Variants in SLC4A7 observed in about 807,000 individuals in gnomAD.
SLC4A7 encodes solute carrier family 4 member 7.
In SLC4A7, 51 loss-of-function variants were observed where a neutral mutation model predicts 137.6. The ratio of observed to expected loss-of-function variants is 0.37; its 90% CI spans 0.30 to 0.47. The LOEUF is 0.47. SLC4A7 is among the 20% of genes least tolerant of loss of function. The pLI is 1.00. For synonymous variants in SLC4A7, 542 were observed against 518.6 expected (o/e 1.05, Z -0.61); for missense variants, 1,247 against 1,525.4 (o/e 0.82, Z 3.04).
intron 1 of SLC4A7, among the ~76,000 whole-genome samples, chr3:27,464,347 A>G (rs1050341394): frequency 6.6e-6 from 1 of 152,238 alleles, no homozygotes; most frequent in Non-Finnish European, 1.5e-5. Context: ...TCAATATAAC[A>G]TTAAATATAA....
Position 27,391,814 on chromosome 3 carries a change from AAT to A in SLC4A7, c.3118-8_3118-7del. The A allele has an allele frequency of 6.4e-7, 1 of 1,551,284 alleles. No homozygotes were observed. The highest frequency in any genetic ancestry group is 8.8e-7 in the Non-Finnish European group (1 of 1,131,756). ...AGAACAGGCATTGGAATAAACTGTAAATAAAATGAACACAATTAGAACTCATG... is the reference window on the plus strand; with the variant it reads ...AGAACAGGCATTGGAATAAACTGTAAAAAATGAACACAATTAGAACTCATG... On this transcript the variant is annotated splice_region_variant and splice_polypyrimidine_tract_variant and intron_variant, in intron 20 of 25. Coordinates refer to ENST00000454389, the MANE Select transcript of SLC4A7 (RefSeq NM_001321103.2).
intron 3 of SLC4A7, among the ~76,000 whole-genome samples, chr3:27,442,813 C>T (rs1017773813): frequency 6.6e-6 from 1 of 152,026 alleles, no homozygotes; most frequent in African/African-American, 2.4e-5. Flanking sequence ...AGATGGAGTC[C>T]TGCTAACAGG....
intron 13 of SLC4A7, among the ~76,000 whole-genome samples, chr3:27,406,325 C>A (rs1275635480): frequency 1.3e-5 from 2 of 152,166 alleles, no homozygotes; most frequent in African/African-American, 2.4e-5. Context: ...GAATAGGTAG[C>A]AATTCTCATC....
Position 27,436,376 on chromosome 3 carries a change from G to A in SLC4A7, c.589+12C>T, listed in dbSNP as rs772681928. On this transcript the variant is annotated intron_variant, in intron 5 of 25. Coordinates refer to ENST00000454389, the MANE Select transcript of SLC4A7 (RefSeq NM_001321103.2). Reference sequence around the variant, plus strand: ...CACCTTACATATTTTTTAAAAGTCAGTTTACTATAACCTGCTATTTCATCT... The same window carrying A: ...CACCTTACATATTTTTTAAAAGTCAATTTACTATAACCTGCTATTTCATCT... The A allele has an allele frequency of 3.1e-6, 5 of 1,595,836 alleles. No homozygotes were observed. Among genetic ancestry groups the A allele is most frequent in the Non-Finnish European group, 4.3e-6 (5 of 1,169,824 alleles).
At position 27,403,306 on chromosome 3, in the gene SLC4A7, T is replaced by G. The variant is rs1263770121; in HGVS notation, c.2154A>C (p.Ala718=). 5.0e-6 allele frequency: 8 copies of G among 1,613,870 alleles called. No homozygotes were observed. The highest frequency in any genetic ancestry group is 6.8e-6 in the Non-Finnish European group (8 of 1,179,940). ...AACACACAAGGCTGCTTGCATCTGT[T>G]GCAACCAAAACAATGCACAAAAAAG... is the stretch of plus-strand genomic sequence containing the variant. ...WTSFLCIVLV[A]TDASSLVCYI... The change falls in exon 15 of 26, where the codon GCA becomes GCC. Residue 718 remains alanine (A), a synonymous_variant. Coordinates refer to ENST00000454389, the MANE Select transcript of SLC4A7 (RefSeq NM_001321103.2).
chr3:27,403,337 C>T lies in SLC4A7; in HGVS notation c.2123G>A (p.Trp708Ter). 1.2e-6 allele frequency: 2 copies of T among 1,611,514 alleles called. No homozygotes were observed. The highest frequency in any genetic ancestry group is 1.3e-5 in the African/African-American group (1 of 74,920). The stretch of plus-strand genomic sequence containing the variant: ...CAAAACAATGCACAAAAAAGAAGTC[C>T]ACAGACCAATACTGGTTCTTAAAGA... ...YLSLRTSIGL[W>*]TSFLCIVLVA... Residue 708 changes from tryptophan (W) to a stop codon, truncating the protein, a stop_gained, in exon 15 of 26, where the codon TGG becomes TAG. Transcript: ENST00000454389. LOFTEE classifies it high-confidence loss of function.
In SLC4A7 at chr3:27,415,268, G is replaced by A. The variant is rs537323310; in HGVS notation, c.1659+3218C>T. On this transcript the variant is annotated intron_variant, in intron 11 of 25. Transcript: ENST00000454389. The stretch of plus-strand genomic sequence containing the variant: ...GTCCCTTACTGGCAAGGTACTTCCT[G>A]ACTTCAGGAACAATGCACTGATGGG... 2.0e-5 allele frequency among the ~76,000 whole-genome samples: 3 copies of A among 152,278 alleles called. No homozygotes were observed. In the East Asian group the frequency reaches 5.8e-4, roughly 29 times the overall value.
At chr3:27,444,898 T>C (rs904697028) in intron 3 of SLC4A7, among the ~76,000 whole-genome samples, 1 of 152,216 alleles carries the variant, frequency 6.6e-6, no homozygotes, top group Non-Finnish European at 1.5e-5. Context: ...CTAGATTTTA[T>C]CTTCTTTCTT....
At chr3:27,408,156 G>A (rs1035981474) in intron 13 of SLC4A7, among the ~76,000 whole-genome samples, 6 of 151,858 alleles carry the variant, frequency 4.0e-5, no homozygotes, top group African/African-American at 9.7e-5. Context: ...TTTTCACTTA[G>A]AATCCTTGAG....
Position 27,448,788 on chromosome 3 carries a change from G to C in SLC4A7, c.152C>G (p.Ala51Gly). ...CGGGACGTGAACACCAATATATACA[G>C]CTCTATGACCTATTAAAAGGTTCAG... is the stretch of plus-strand genomic sequence containing the variant. ...FEKEELESHR[A>G]VYIGVHVPFS... Residue 51 changes from alanine (A) to glycine (G), a missense_variant, in exon 3 of 26, where the codon GCT becomes GGT. Coordinates refer to ENST00000454389, the MANE Select transcript of SLC4A7 (RefSeq NM_001321103.2). 6.3e-7 allele frequency: 1 copy of C among 1,594,818 alleles called. No individual in the cohort carries two copies. Among genetic ancestry groups the C allele is most frequent in the Non-Finnish European group, 8.5e-7 (1 of 1,171,658 alleles).
At chr3:27,435,336 C>G (rs1299939907) in intron 5 of SLC4A7, among the ~76,000 whole-genome samples, 1 of 152,082 alleles carries the variant, frequency 6.6e-6, no homozygotes, top group African/African-American at 2.4e-5. Flanking sequence ...TCAAATCTCC[C>G]CCTTTCATTT....
chr3:27,445,715 C>T (rs1217334525), intron 3 of SLC4A7, among the ~76,000 whole-genome samples: 2 of 141,154 alleles, frequency 1.4e-5, no homozygotes, highest in South Asian at 2.2e-4. Context: ...GTCAGGAGTT[C>T]GAGACCAGCC....
intron 11 of SLC4A7, among the ~76,000 whole-genome samples, chr3:27,412,821 T>A (rs1475541174): frequency 2.6e-5 from 4 of 151,722 alleles, no homozygotes; most frequent in African/African-American, 9.7e-5. Context: ...ATAAAACCCA[T>A]GAGACCCAGC....
At chr3:27,472,973 G>C (rs1465428018) in intron 1 of SLC4A7, among the ~76,000 whole-genome samples, 22 of 152,028 alleles carry the variant, frequency 1.4e-4, no homozygotes, top group Admixed American at 1.2e-3. Context: ...CCAGCTACTC[G>C]GGAGGCTGAG....
chr3:27,379,369 T>C lies in SLC4A7; in HGVS notation c.3591-13A>G. On this transcript the variant is annotated splice_polypyrimidine_tract_variant and intron_variant, in intron 24 of 25. Coordinates refer to ENST00000454389, the MANE Select transcript of SLC4A7 (RefSeq NM_001321103.2). ...TGAGGGATCAACACTGAAGAACAAATACACTTTTTGGTTAGTATTCAGTAC... is the reference window on the plus strand; with the variant it reads ...TGAGGGATCAACACTGAAGAACAAACACACTTTTTGGTTAGTATTCAGTAC... 7.0e-7 allele frequency: 1 copy of C among 1,420,014 alleles called. No individual in the cohort carries two copies. Among genetic ancestry groups the C allele is most frequent in the Non-Finnish European group, 9.6e-7 (1 of 1,041,000 alleles). The allele number at this position is 1,420,014 out of a possible 1,614,324, so 88.0% of individuals were successfully genotyped here.
intron 1 of SLC4A7, among the ~76,000 whole-genome samples, chr3:27,460,002 C>T (rs866536364): frequency 0.056 from 8,332 of 149,468 alleles, 774 homozygotes; most frequent in African/African-American, 0.19. Flanking sequence ...CACACACACA[C>T]ACACACACGT....
At chr3:27,476,285 T>C (rs2059456085) in intron 1 of SLC4A7, among the ~76,000 whole-genome samples, 1 of 152,244 alleles carries the variant, frequency 6.6e-6, no homozygotes. Context: ...AAAAATGTTA[T>C]GTATTCTTTG....
Position 27,437,459 on chromosome 3 carries a change from A to G in SLC4A7, c.357T>C (p.His119=). The G allele has an allele frequency of 3.8e-6, 6 of 1,597,510 alleles. No homozygotes were observed. Among genetic ancestry groups the G allele is most frequent in the Non-Finnish European group, 5.1e-6 (6 of 1,168,902 alleles). ...TEDDDEEHIP[H]DLFTEMDELC... is the part of the protein sequence containing the mutation. ...GTTCATCCATTTCCGTGAAGAGATCATGGGGAATATGTTCTTCATCATCAT... is the reference window on the plus strand; with the variant it reads ...GTTCATCCATTTCCGTGAAGAGATCGTGGGGAATATGTTCTTCATCATCAT... Residue 119 remains histidine (H), a synonymous_variant, in exon 4 of 26, where the codon CAT becomes CAC. Coordinates refer to ENST00000454389, the MANE Select transcript of SLC4A7 (RefSeq NM_001321103.2).
intron 3 of SLC4A7, among the ~76,000 whole-genome samples, chr3:27,445,643 C>T (rs868489948): frequency 1.3e-5 from 2 of 151,024 alleles, no homozygotes; most frequent in South Asian, 2.1e-4. Flanking sequence ...AATGGCTGGG[C>T]GCAGCGGCTC....
Sources: allele counts gnomAD v4.1 joint callset (sites outside exome capture counted in the v4.1 genomes callset), GRCh38; gene constraint gnomAD v4.1.1; transcripts MANE v1.5; gene names NCBI Gene and HGNC (gene_info 2026-07-23, HGNC 2026-07-21).